LYPD6B: variants seen among roughly 807,000 people sequenced by gnomAD.
LYPD6B encodes LY6/PLAUR domain containing 6B, also known as ly6/PLAUR domain-containing protein 6B.
Under a neutral mutation model 22.8 loss-of-function variants are expected in LYPD6B, and 17 were observed. The observed-to-expected ratio is 0.75, with a 90% CI of 0.51 to 1.12. LYPD6B has a LOEUF of 1.12. LYPD6B is among the 50% of genes most tolerant of loss of function. LYPD6B has a pLI of 0.00. For synonymous variants in LYPD6B, 106 were observed against 91.6 expected, an observed-to-expected ratio of 1.16 and a Z score of -0.90; for missense variants, 221 against 258.3, an observed-to-expected ratio of 0.86 and a Z score of 0.99.
At chr2:149,162,270 G>C (rs545186265) in intron 3 of LYPD6B, among the ~76,000 whole-genome samples, 17 of 152,282 alleles carry the variant, frequency 1.1e-4, no homozygotes, top group African/African-American at 4.1e-4. Flanking sequence ...AACACCCTAA[G>C]CATTTTGCAT....
chr2:149,076,182 G>T (rs1038773862), intron 1 of LYPD6B, among the ~76,000 whole-genome samples: 1 of 152,194 alleles, frequency 6.6e-6, no homozygotes, highest in Non-Finnish European at 1.5e-5. Context: ...AGTAGCACTA[G>T]AGTAACTTAC....
intron 1 of LYPD6B, among the ~76,000 whole-genome samples, chr2:149,095,409 C>T (rs1011566171): frequency 4.6e-5 from 7 of 152,202 alleles, no homozygotes; most frequent in Non-Finnish European, 7.3e-5. Flanking sequence ...CAGTTGAAGA[C>T]GTTTAATTCT....
intron 2 of LYPD6B, among the ~76,000 whole-genome samples, chr2:149,140,469 A>G (rs1301943283): frequency 6.6e-6 from 1 of 152,176 alleles, no homozygotes; most frequent in African/African-American, 2.4e-5. Context: ...GAAGTCTCAT[A>G]AAGAGTTGAA....
At chr2:149,149,206 CT>C (rs1426154304) in intron 2 of LYPD6B, among the ~76,000 whole-genome samples, 1 of 152,152 alleles carries the variant, frequency 6.6e-6, no homozygotes, top group Non-Finnish European at 1.5e-5. Context: ...ACTGCAATTA[CT>C]TTTGCACCAA....
chr2:149,187,844 A>G (rs1692224108), intron 3 of LYPD6B, among the ~76,000 whole-genome samples: 1 of 152,266 alleles, frequency 6.6e-6, no homozygotes, highest in East Asian at 1.9e-4. Context: ...CCTGTGGGCC[A>G]TGGGTTGGAC....
At chr2:149,042,939 AT>A (rs1365122948) in intron 1 of LYPD6B, among the ~76,000 whole-genome samples, 1 of 152,186 alleles carries the variant, frequency 6.6e-6, no homozygotes, top group African/African-American at 2.4e-5. Context: ...AATTTCTTTG[AT>A]TGTTTGTTAT....
chr2:149,070,909 AG>A (rs1684574316), intron 1 of LYPD6B, among the ~76,000 whole-genome samples: 1 of 152,250 alleles, frequency 6.6e-6, no homozygotes, highest in South Asian at 2.1e-4. Context: ...GATTTCTGGA[AG>A]GGAAATGACA....
At chr2:149,073,817 T>C (rs1684756683) in intron 1 of LYPD6B, among the ~76,000 whole-genome samples, 1 of 151,894 alleles carries the variant, frequency 6.6e-6, no homozygotes, top group South Asian at 2.1e-4. Context: ...CTTTAGCCCA[T>C]GTTGCTGATC....
chr2:149,134,452 G>T (rs527787573), intron 2 of LYPD6B, among the ~76,000 whole-genome samples: 2 of 152,110 alleles, frequency 1.3e-5, no homozygotes, highest in African/African-American at 2.4e-5. Context: ...ACTCTTTATC[G>T]CTTCTAAGGT....
At chr2:149,179,767 C>G (rs527768024) in intron 3 of LYPD6B, among the ~76,000 whole-genome samples, 19 of 152,326 alleles carry the variant, frequency 1.2e-4, no homozygotes, top group Non-Finnish European at 2.4e-4. Context: ...GAAAGCTTAC[C>G]TGGCACTGTT....
At chr2:149,185,828 A>T (rs565140512) in intron 3 of LYPD6B, among the ~76,000 whole-genome samples, 1 of 152,226 alleles carries the variant, frequency 6.6e-6, no homozygotes, top group East Asian at 1.9e-4. Context: ...CCTCATTATT[A>T]TTATACCTGT....
chr2:149,117,975 T>A (rs1388794308), intron 1 of LYPD6B, among the ~76,000 whole-genome samples: 1 of 152,216 alleles, frequency 6.6e-6, no homozygotes, highest in Non-Finnish European at 1.5e-5. Context: ...ATTTCTAAGC[T>A]GGCAGTTGGT....
intron 3 of LYPD6B, among the ~76,000 whole-genome samples, chr2:149,191,463 A>T (rs1384359034): frequency 6.6e-6 from 1 of 152,000 alleles, no homozygotes; most frequent in East Asian, 1.9e-4. Context: ...GCTTCACTAG[A>T]TTATGTTTGT....
intron 1 of LYPD6B, among the ~76,000 whole-genome samples, chr2:149,073,733 C>T (rs1035621255): frequency 6.6e-5 from 10 of 152,156 alleles, no homozygotes; most frequent in African/African-American, 2.2e-4. Flanking sequence ...GCTGGACCAT[C>T]GCCAAAACTC....
chr2:149,124,794 G>A (rs1359017054), intron 1 of LYPD6B, among the ~76,000 whole-genome samples: 1 of 152,118 alleles, frequency 6.6e-6, no homozygotes, highest in African/African-American at 2.4e-5. Context: ...AATTCTACAA[G>A]TTAGGTTCCA....
intron 2 of LYPD6B, among the ~76,000 whole-genome samples, chr2:149,133,396 T>A (rs2105716326): frequency 6.6e-6 from 1 of 152,348 alleles, no homozygotes; most frequent in East Asian, 1.9e-4. Flanking sequence ...TCTTAGTACC[T>A]TTCCTTCCTC....
intron 5 of LYPD6B, among the ~76,000 whole-genome samples, chr2:149,208,850 A>T (rs1307946960): frequency 6.6e-6 from 1 of 152,166 alleles, no homozygotes; most frequent in Non-Finnish European, 1.5e-5. Flanking sequence ...GCCCATGTTT[A>T]CTCAGTAAAT....
chr2:149,142,404 C>T (rs1016525968), intron 2 of LYPD6B, among the ~76,000 whole-genome samples: 4 of 152,146 alleles, frequency 2.6e-5, no homozygotes, highest in African/African-American at 9.7e-5. Flanking sequence ...GAGGGTCTTA[C>T]ACCAGGGGCT....
intron 3 of LYPD6B, among the ~76,000 whole-genome samples, chr2:149,200,004 TGGA>T (rs1693053774): frequency 6.6e-6 from 1 of 152,246 alleles, no homozygotes; most frequent in Non-Finnish European, 1.5e-5. Context: ...AATTTCCCTT[TGGA>T]GGAGGAGTCT....
Sources: gnomAD v4.1 joint callset for allele counts (sites outside exome capture counted in the v4.1 genomes callset) on GRCh38, gnomAD v4.1.1 for gene constraint, MANE v1.5 for transcripts, NCBI Gene and HGNC (gene_info 2026-07-23, HGNC 2026-07-21) for gene names.